PALMD: variants seen among roughly 807,000 people sequenced by gnomAD.
PALMD encodes paralemmin-like protein.
Under a neutral mutation model 56.2 loss-of-function variants are expected in PALMD, and 42 were observed. The observed-to-expected ratio is 0.75, with a 90% CI of 0.58 to 0.97. PALMD has a LOEUF of 0.97. Ranked by LOEUF, PALMD falls within the 50% of genes least tolerant of loss-of-function variation. PALMD has a pLI of 0.00. For synonymous variants in PALMD, 242 were observed against 222.9 expected (o/e 1.09, Z -0.76); for missense variants, 660 against 643.8 (o/e 1.03, Z -0.27).
intron 3 of PALMD, chr1:99,668,957 C>G (rs146117571): frequency 2.6e-5 from 4 of 152,126 alleles, no homozygotes; most frequent in Non-Finnish European, 5.9e-5. Context: ...TAAAGTCTAC[C>G]CATCTTTGAA....
chr1:99,657,563 C>T (rs755696572), intron 1 of PALMD, among the ~76,000 whole-genome samples: 2 of 152,190 alleles, frequency 1.3e-5, no homozygotes, highest in Non-Finnish European at 2.9e-5. Context: ...AGCTATTACA[C>T]AATGAGGCCA....
intron 7 of PALMD, chr1:99,690,213 T>A (rs1653624318): frequency 2.8e-6 from 1 of 353,700 alleles, no homozygotes; most frequent in Admixed American, 4.6e-5. Context: ...TCCACTAGAA[T>A]CTGATGACTA....
chr1:99,683,001 GTC>G lies in PALMD; in HGVS notation c.252-3672_252-3671del, dbSNP rs1416158670. 2.0e-3 allele frequency among the ~76,000 whole-genome samples: 276 copies of G among 136,490 alleles called. 19 individuals carry two copies. Among genetic ancestry groups the G allele is most frequent in the African/African-American group, 7.1e-3 (231 of 32,760 alleles). The allele number at this position is 136,490 out of a possible 152,430, so 89.5% of individuals were successfully genotyped here. On this transcript the variant is annotated intron_variant, in intron 3 of 7. Coordinates refer to ENST00000263174, the MANE Select transcript of PALMD (RefSeq NM_017734.5). Reference sequence around the variant, plus strand: ...AGCCTGGGTGACAGAGCAAGACTCTGTCTCCAAAAAGAAAGAAGGAAAGAAAG... The same window carrying G: ...AGCCTGGGTGACAGAGCAAGACTCTGTCCAAAAAGAAAGAAGGAAAGAAAG...
rs779598866 is a variant in PALMD at position 99,689,421 on chromosome 1, T to C, written c.1161T>C (p.Thr387=). Residue 387 remains threonine, a synonymous_variant, in exon 7 of 8, where the codon ACT becomes ACC. Transcript: ENST00000263174. ...GKSEHQNSSP[T]CQEDEEDVRY... ...CTGAACACCAGAATTCTTCACCCAC[T>C]TGTCAGGAGGACGAGGAAGATGTCA... 1.9e-6 allele frequency: 3 copies of C among 1,613,704 alleles called. No homozygotes were observed. In the South Asian group the frequency reaches 3.3e-5, roughly 18 times the overall value.
intron 2 of PALMD, among the ~76,000 whole-genome samples, chr1:99,665,376 C>T (rs1480336705): frequency 6.6e-6 from 1 of 152,070 alleles, no homozygotes; most frequent in Non-Finnish European, 1.5e-5. Flanking sequence ...GACATAAAAG[C>T]AAAATAACTC....
chr1:99,681,922 A>G (rs1653355774), intron 3 of PALMD, among the ~76,000 whole-genome samples: 1 of 152,188 alleles, frequency 6.6e-6, no homozygotes, highest in African/African-American at 2.4e-5. Context: ...ATGCTCCTTA[A>G]GGACAGTCAG....
intron 1 of PALMD, among the ~76,000 whole-genome samples, chr1:99,654,576 C>T (rs1652670080): frequency 6.6e-6 from 1 of 152,024 alleles, no homozygotes; most frequent in South Asian, 2.1e-4. Context: ...AATACAGTTT[C>T]AATCAATATC....
chr1:99,653,897 C>T (rs554986483), intron 1 of PALMD, among the ~76,000 whole-genome samples: 21 of 152,246 alleles, frequency 1.4e-4, no homozygotes, highest in African/African-American at 5.1e-4. Context: ...TCTTCACAGA[C>T]TCATTCCAGA....
chr1:99,694,278 C>T lies in PALMD; in HGVS notation c.*216C>T, dbSNP rs769259469. ...GTGTAACTTTTCCAGTTACTTGACA[C>T]GATTCAGTGGGGGAAAACCAGCATT... On this transcript the variant is annotated 3_prime_UTR_variant, in exon 8 of 8. Transcript: ENST00000263174. 21 of 417,346 alleles carry T rather than the reference C, an allele frequency of 5.0e-5. No homozygotes were observed. The highest frequency in any genetic ancestry group is 1.2e-4 in the Admixed American group (3 of 24,262). 25.9% of individuals were successfully genotyped at this position (417,346 alleles called of 1,614,324 possible).
At chr1:99,663,624 A>G (rs1241600792) in intron 2 of PALMD, among the ~76,000 whole-genome samples, 1 of 151,740 alleles carries the variant, frequency 6.6e-6, no homozygotes, top group Non-Finnish European at 1.5e-5. Flanking sequence ...AATACACACA[A>G]TCTGGATCTC....
chr1:99,663,391 G>A (rs187724580), intron 2 of PALMD, among the ~76,000 whole-genome samples: 5 of 151,978 alleles, frequency 3.3e-5, no homozygotes, highest in Non-Finnish European at 5.9e-5. Flanking sequence ...AGTATACATA[G>A]TCAAGAAATG....
intron 1 of PALMD, among the ~76,000 whole-genome samples, chr1:99,650,285 G>GAAAAAAA (rs200081370): frequency 5.1e-5 from 6 of 116,964 alleles, no homozygotes; most frequent in Non-Finnish European, 8.5e-5. Flanking sequence ...TGCTCATAAT[G>GAAAAAAA]AAAAAAAAAA....
intron 3 of PALMD, among the ~76,000 whole-genome samples, chr1:99,678,207 G>A (rs891942174): frequency 1.3e-5 from 2 of 151,414 alleles, no homozygotes; most frequent in Non-Finnish European, 2.9e-5. Context: ...AGATTCAAGC[G>A]ATTCTCCTGA....
intron 7 of PALMD, among the ~76,000 whole-genome samples, chr1:99,692,998 G>T (rs1216034460): frequency 6.6e-6 from 1 of 152,204 alleles, no homozygotes; most frequent in Non-Finnish European, 1.5e-5. Context: ...CATATAAGTG[G>T]AGTGACAATT....
intron 3 of PALMD, chr1:99,685,179 T>C (rs1653457944): frequency 6.6e-6 from 1 of 152,152 alleles, no homozygotes. Flanking sequence ...TGTCTGTATA[T>C]GGTAATGAGC....
rs767435328 is a variant in PALMD, at chr1:99,646,360, A to G, written c.43A>G (p.Thr15Ala). Reference sequence around the variant, plus strand: ...GGTGAAGGGAAGACTCCAGGCCATCACAGTAAGTCTGCATACAGTTATAAC... The same window carrying G: ...GGTGAAGGGAAGACTCCAGGCCATCGCAGTAAGTCTGCATACAGTTATAAC... ...ELVKGRLQAI[T>A]DKRKIQEEIS... The change falls in exon 1 of 8, where the codon ACA becomes GCA. Residue 15 changes from threonine (T) to alanine (A), a missense_variant and splice_region_variant. Thr to Ala is a moderately conservative substitution (Grantham distance 58). Coordinates refer to ENST00000263174, the MANE Select transcript of PALMD (RefSeq NM_017734.5). The G allele has an allele frequency of 9.9e-6, 16 of 1,610,814 alleles. No homozygotes were observed. The highest frequency in any genetic ancestry group is 1.1e-5 in the Non-Finnish European group (13 of 1,176,956).
chr1:99,687,860 G>A (rs1317727164), intron 6 of PALMD, among the ~76,000 whole-genome samples: 4 of 150,310 alleles, frequency 2.7e-5, no homozygotes, highest in Non-Finnish European at 5.9e-5. Flanking sequence ...CAGATGAGGG[G>A]TGTTGCAGTT....
chr1:99,668,994 G>A (rs188882018), intron 3 of PALMD: 1 of 152,194 alleles, frequency 6.6e-6, no homozygotes, highest in East Asian at 1.9e-4. Context: ...AACCTCATTC[G>A]CTATAATGTA....
chr1:99,658,312 A>G (rs527894839), intron 1 of PALMD, among the ~76,000 whole-genome samples: 3 of 151,916 alleles, frequency 2.0e-5, no homozygotes, highest in East Asian at 1.9e-4. Context: ...TCAAAAAAAA[A>G]AAAAAAGAAA....
Sources: gnomAD v4.1 joint callset for allele counts (sites outside exome capture counted in the v4.1 genomes callset) on GRCh38, gnomAD v4.1.1 for gene constraint, MANE v1.5 for transcripts, NCBI Gene and HGNC (gene_info 2026-07-23, HGNC 2026-07-21) for gene names.